RGMA: variants seen among roughly 807,000 people sequenced by gnomAD.
RGMA encodes repulsive guidance molecule BMP co-receptor a.
In RGMA, 10 loss-of-function variants were observed where a neutral mutation model predicts 23.2. The observed-to-expected ratio is 0.43, with a 90% CI of 0.27 to 0.73. The LOEUF (loss-of-function observed/expected upper bound fraction) is 0.73, where lower values mean the gene tolerates loss of function less well. Ranked by LOEUF, RGMA falls within the 30% of genes least tolerant of loss-of-function variation. The pLI is 0.20. For synonymous variants in RGMA, 308 were observed against 279.3 expected (o/e 1.10, Z -1.03); for missense variants, 547 against 630.5 (o/e 0.87, Z 1.42).
At chr15:93,057,679 C>T (rs2055036641) in intron 2 of RGMA, among the ~76,000 whole-genome samples, 1 of 152,212 alleles carries the variant, frequency 6.6e-6, no homozygotes, top group African/African-American at 2.4e-5. Context: ...CCTCCCAAGT[C>T]ACCTCTGCAG....
rs1352340443 is a variant in RGMA, at chr15:93,040,290, G to C, written c.*4708C>G. On this transcript the variant is annotated 3_prime_UTR_variant, in exon 4 of 4. Coordinates refer to ENST00000329082, the MANE Select transcript of RGMA (RefSeq NM_020211.3). ...CGTGAACGGCTTCCTCTGGCAACTG[G>C]AGTCAAACATCAAGTCCTCCCGGAG... 1 of 152,298 alleles carries C rather than the reference G, an allele frequency of 6.6e-6. No homozygotes were observed. Among genetic ancestry groups the C allele is most frequent in the African/African-American group, 2.4e-5 (1 of 41,452 alleles). The allele number at this position is 152,298 out of a possible 1,614,324, so 9.4% of individuals were successfully genotyped here.
chr15:93,084,702 A>C (rs955330342), intron 1 of RGMA, among the ~76,000 whole-genome samples: 3 of 152,114 alleles, frequency 2.0e-5, no homozygotes, highest in Admixed American at 6.5e-5. Context: ...CGAACCCCTG[A>C]CCTCAAGTGA....
At position 93,052,190 on chromosome 15, in the gene RGMA, T is replaced by C; in HGVS notation, c.448A>G (p.Ser150Gly). The change falls in exon 3 of 4, where the codon AGC becomes GGC. Residue 150 changes from serine to glycine, a missense_variant. Physicochemically the swap from Ser to Gly is moderately conservative, Grantham distance 56. Around this residue, in one of 3 missense-constraint regions of RGMA, gnomAD observed 214 missense variants for 234.7 expected, o/e 0.91. Coordinates refer to ENST00000329082, the MANE Select transcript of RGMA (RefSeq NM_020211.3). ...GGGGTGGCCGAGTGCTTGTGAAAGC[T>C]CTTCTCGTAATGGCAGATCTCGGGG... ...DSPEICHYEK[S>G]FHKHSATPNY... 1.2e-6 allele frequency: 2 copies of C among 1,611,702 alleles called. No homozygotes were observed. The highest frequency in any genetic ancestry group is 1.7e-6 in the Non-Finnish European group (2 of 1,178,200).
chr15:93,073,666 G>A (rs1895415370), intron 1 of RGMA: 5 of 1,537,134 alleles, frequency 3.3e-6, no homozygotes, highest in East Asian at 4.9e-5. Context: ...ACCCACTTCC[G>A]AGTTGTCTAG....
In RGMA at chr15:93,045,105, T is replaced by C. The variant is rs762083553; in HGVS notation, c.1246A>G (p.Arg416Gly). Residue 416 changes from arginine to glycine, a missense_variant, in exon 4 of 4, where the codon AGG becomes GGG. Coordinates refer to ENST00000329082, the MANE Select transcript of RGMA (RefSeq NM_020211.3). This position sits in a 1 kb window ranked among gnomAD's most constrained non-coding sequence, Gnocchi z 6.9. ...GCCCTGCCTGGCAGGTCCCGAGTCC[T>C]CTCATACAGGTGCAGTTTGTCTTTG... ...SNKDKLHLYE[R>G]TRDLPGRAAA... The C allele has an allele frequency of 6.3e-7, 1 of 1,587,488 alleles. No homozygotes were observed. The highest frequency in any genetic ancestry group is 1.1e-5 in the South Asian group (1 of 87,310).
intron 1 of RGMA, among the ~76,000 whole-genome samples, chr15:93,082,602 A>G (rs961813295): frequency 1.2e-4 from 18 of 152,346 alleles, no homozygotes; most frequent in African/African-American, 4.1e-4. Context: ...TATGCCCCAC[A>G]TGTAGAATGA....
intron 1 of RGMA, among the ~76,000 whole-genome samples, chr15:93,082,614 G>A (rs1895576068): frequency 6.6e-6 from 1 of 152,136 alleles, no homozygotes; most frequent in African/African-American, 2.4e-5. Context: ...GTAGAATGAC[G>A]GCTCATGCAT....
intron 1 of RGMA, among the ~76,000 whole-genome samples, chr15:93,076,916 A>G (rs1301097326): frequency 6.6e-6 from 1 of 152,228 alleles, no homozygotes; most frequent in Non-Finnish European, 1.5e-5. Context: ...TCAATAAAGC[A>G]TAACACAGAC....
At chr15:93,072,676 G>A (rs1379765445) in intron 2 of RGMA, among the ~76,000 whole-genome samples, 1 of 151,996 alleles carries the variant, frequency 6.6e-6, no homozygotes, top group Non-Finnish European at 1.5e-5. Context: ...CGGCCCCTGC[G>A]CCCTCCCCAC....
At chr15:93,066,450 G>A in intron 2 of RGMA, 1 of 595,270 alleles carries the variant, frequency 1.7e-6, no homozygotes, top group Non-Finnish European at 3.1e-6. Context: ...CTGCCGCCGG[G>A]TTGCCACGGG....
rs756578756 is a variant in RGMA at position 93,035,581 on chromosome 15, C to G, written c.*9417G>C. The G allele has an allele frequency of 2.0e-5, 3 of 152,182 alleles. No individual in the cohort carries two copies. Among genetic ancestry groups the G allele is most frequent in the African/African-American group, 7.2e-5 (3 of 41,406 alleles). The allele number at this position is 152,182 out of a possible 1,614,324, so 9.4% of individuals were successfully genotyped here. A position where few individuals can be genotyped will look rare whatever the true frequency, so the allele number is the denominator to read the frequency against. ...AGGAAGGGCAATCAGATGTGGAGGG[C>G]GGAGGATTCCAGCAAGACCAATTTA... On this transcript the variant is annotated 3_prime_UTR_variant, in exon 4 of 4. Coordinates refer to ENST00000329082, the MANE Select transcript of RGMA (RefSeq NM_020211.3).
At position 93,045,880 on chromosome 15, in the gene RGMA, ATT is replaced by A. The variant is rs1400543199; in HGVS notation, c.646-177_646-176del. On this transcript the variant is annotated intron_variant, in intron 3 of 3. Transcript: ENST00000329082. This position sits in a 1 kb window ranked among gnomAD's most constrained non-coding sequence, Gnocchi z 6.9. ...CCACCTGCGCAGCTGTGCACTTCAC[ATT>A]CTTTCAATGAAAACAACTTGCCCTT... 1.3e-5 allele frequency among the ~76,000 whole-genome samples: 2 copies of A among 152,236 alleles called. No homozygotes were observed. The highest frequency in any genetic ancestry group is 4.8e-5 in the African/African-American group (2 of 41,462).
chr15:93,073,604 C>T, intron 1 of RGMA: 1 of 1,536,852 alleles, frequency 6.5e-7, no homozygotes. Context: ...CACCGACGCC[C>T]CCTGGCTCAT....
intron 2 of RGMA, among the ~76,000 whole-genome samples, chr15:93,054,737 G>A (rs1052721326): frequency 2.0e-5 from 3 of 152,194 alleles, no homozygotes; most frequent in African/African-American, 7.2e-5. Context: ...TGGTAGATAC[G>A]TGGGGGGCAC....
chr15:93,062,098 G>A (rs1406446122), intron 2 of RGMA, among the ~76,000 whole-genome samples: 5 of 152,064 alleles, frequency 3.3e-5, no homozygotes, highest in Admixed American at 3.3e-4. Context: ...GAAAAGACCT[G>A]CCCTCTCTTA....
intron 1 of RGMA, among the ~76,000 whole-genome samples, chr15:93,087,932 T>C (rs1306601056): frequency 6.6e-6 from 1 of 152,070 alleles, no homozygotes; most frequent in East Asian, 1.9e-4. Flanking sequence ...CGAGGGCTGG[T>C]TCCCGCCTCT....
At chr15:93,051,493 A>T (rs2054917940) in intron 3 of RGMA, among the ~76,000 whole-genome samples, 2 of 152,116 alleles carry the variant, frequency 1.3e-5, no homozygotes, top group South Asian at 4.1e-4. Context: ...CAGGTAGGGG[A>T]GGGAGGCCTG....
chr15:93,065,880 G>T, intron 2 of RGMA: 1 of 730,182 alleles, frequency 1.4e-6, no homozygotes. Context: ...GCTCTACCCC[G>T]TCAGTGCTCT....
intron 3 of RGMA, among the ~76,000 whole-genome samples, chr15:93,048,021 G>A (rs1300953310): frequency 6.6e-6 from 1 of 152,200 alleles, no homozygotes; most frequent in East Asian, 1.9e-4. Context: ...CAGGGGTGCA[G>A]CAGAGTGGCC....
Sources: allele counts gnomAD v4.1 joint callset (sites outside exome capture counted in the v4.1 genomes callset), GRCh38; gene constraint gnomAD v4.1.1; regional missense constraint gnomAD v4.1.1; non-coding constraint Gnocchi (gnomAD v3.1); transcripts MANE v1.5; gene names NCBI Gene and HGNC (gene_info 2026-07-23, HGNC 2026-07-21).